Variants in CALCR observed in about 807,000 individuals in gnomAD.
The protein encoded by CALCR is calcitonin receptor.
CALCR carries 47 observed loss-of-function variants against 59.5 expected under a neutral mutation model. That is an observed-to-expected ratio of 0.79 (90% CI 0.63 to 1.01). CALCR has a LOEUF of 1.01. CALCR is among the 50% of genes least tolerant of loss of function. The pLI is 0.00. For synonymous variants in CALCR, 213 were observed against 211.3 expected (o/e 1.01, Z -0.07); for missense variants, 566 against 597.1 (o/e 0.95, Z 0.54).
At chr7:93,436,879 G>A (rs186600657) in intron 11 of CALCR, among the ~76,000 whole-genome samples, 155 of 152,184 alleles carry the variant, frequency 1.0e-3, no homozygotes, top group African/African-American at 3.5e-3. Context: ...TATTTTTTCT[G>A]TATGTATATC....
chr7:93,440,137 C>T lies in CALCR; in HGVS notation c.803-1867G>A, dbSNP rs115528934. On this transcript the variant is annotated intron_variant, in intron 9 of 13. Transcript: ENST00000426151. ...ACATCACCTGCAAACAAATTAGGTG[C>T]TATAATACAACTGGGCTTTTTTGGG... 2.3e-3 allele frequency among the ~76,000 whole-genome samples: 351 copies of T among 152,224 alleles called. 1 individual carries two copies. Among genetic ancestry groups the T allele is most frequent in the African/African-American group, 8.1e-3 (335 of 41,542 alleles).
chr7:93,462,343 G>A (rs368174309), intron 7 of CALCR, among the ~76,000 whole-genome samples: 1 of 152,056 alleles, frequency 6.6e-6, no homozygotes, highest in East Asian at 1.9e-4. Context: ...CGCTTCTGTG[G>A]ACTACTCTAT....
At chr7:93,541,375 A>G (rs1012198591) in intron 2 of CALCR, among the ~76,000 whole-genome samples, 1 of 151,838 alleles carries the variant, frequency 6.6e-6, no homozygotes, top group African/African-American at 2.4e-5. Flanking sequence ...CGGTTTCACT[A>G]TGTTGTCTCT....
intron 2 of CALCR, among the ~76,000 whole-genome samples, chr7:93,508,236 CAAACAA>C (rs1244713901): frequency 1.3e-5 from 2 of 151,826 alleles, no homozygotes; most frequent in Non-Finnish European, 2.9e-5. Flanking sequence ...GATATTTTAC[CAAACAA>C]AAACAAAAAC....
chr7:93,438,489 A>T (rs1025569416), intron 9 of CALCR, among the ~76,000 whole-genome samples: 1 of 152,222 alleles, frequency 6.6e-6, no homozygotes, highest in Non-Finnish European at 1.5e-5. Context: ...GGTTAAGAGC[A>T]TCCAAATAAT....
At chr7:93,467,566 A>G (rs946278914) in intron 7 of CALCR, among the ~76,000 whole-genome samples, 2 of 151,692 alleles carry the variant, frequency 1.3e-5, no homozygotes, top group East Asian at 3.9e-4. Context: ...TATGTTTTAA[A>G]TTTATTTTTT....
intron 7 of CALCR, among the ~76,000 whole-genome samples, chr7:93,465,121 C>A (rs192296014): frequency 6.6e-6 from 1 of 151,850 alleles, no homozygotes. Flanking sequence ...ACATGGATAA[C>A]AATGAGTCAA....
chr7:93,439,098 A>T (rs968418820), intron 9 of CALCR, among the ~76,000 whole-genome samples: 1 of 152,166 alleles, frequency 6.6e-6, no homozygotes, highest in Non-Finnish European at 1.5e-5. Flanking sequence ...TGATTGAGAC[A>T]TCTGTAGAAA....
At chr7:93,441,230 T>C (rs1490478427) in intron 9 of CALCR, among the ~76,000 whole-genome samples, 1 of 152,086 alleles carries the variant, frequency 6.6e-6, no homozygotes, top group Non-Finnish European at 1.5e-5. Flanking sequence ...GTATGGCAGA[T>C]AGATGTTTTG....
Position 93,436,138 on chromosome 7 carries a change from C to G in CALCR, c.963G>C (p.Arg321=). ...VNFFFLLNIV[R]VLVTKMRETH... The stretch of plus-strand genomic sequence containing the variant: ...TTTCCCTCATTTTGGTCACAAGCAC[C>G]CGGACAATGTTGAGCAAAAAGAAGA... The change falls in exon 12 of 14, where the codon CGG becomes CGC. Residue 321 remains arginine (R), a synonymous_variant. Transcript: ENST00000426151. 1 of 1,614,076 alleles carries G rather than the reference C, an allele frequency of 6.2e-7. No homozygotes were observed. The highest frequency in any genetic ancestry group is 1.1e-5 in the South Asian group (1 of 91,070).
At chr7:93,502,579 T>G (rs1468530933) in intron 2 of CALCR, among the ~76,000 whole-genome samples, 1 of 152,140 alleles carries the variant, frequency 6.6e-6, no homozygotes, top group Non-Finnish European at 1.5e-5. Context: ...GCCAAAATTC[T>G]TAAAACATCC....
chr7:93,557,815 A>T (rs1789647023), intron 2 of CALCR, among the ~76,000 whole-genome samples: 1 of 151,930 alleles, frequency 6.6e-6, no homozygotes. Flanking sequence ...TCATATACTA[A>T]ATTCCAATAT....
chr7:93,490,554 A>G (rs534131344), intron 2 of CALCR, among the ~76,000 whole-genome samples: 1 of 152,098 alleles, frequency 6.6e-6, no homozygotes, highest in African/African-American at 2.4e-5. Context: ...TAACTTCAGC[A>G]AAGTCGCAGG....
intron 11 of CALCR, among the ~76,000 whole-genome samples, chr7:93,436,522 C>G (rs1287495032): frequency 1.3e-5 from 2 of 152,160 alleles, no homozygotes; most frequent in Non-Finnish European, 2.9e-5. Flanking sequence ...GATACATGAG[C>G]TGAACACTTT....
rs770479251 is a variant in CALCR, at chr7:93,488,582, G to GCAAAAAAAAAAAAAAA, written c.-26-1576_-26-1575insTTTTTTTTTTTTTTTG. ...GGAAAATTTACCAAGCAAATGGAAA[G>GCAAAAAAAAAAAAAAA]AAAAAAAAAAAAAAAAAAAGCATGG... On this transcript the variant is annotated intron_variant, in intron 2 of 13. Coordinates refer to ENST00000426151, the MANE Select transcript of CALCR (RefSeq NM_001742.4). Among the ~76,000 whole-genome samples the GCAAAAAAAAAAAAAAA allele has an allele frequency of 1.0e-3, 80 of 78,008 alleles. 8 individuals are homozygous for GCAAAAAAAAAAAAAAA. Among genetic ancestry groups the GCAAAAAAAAAAAAAAA allele is most frequent in the Non-Finnish European group, 1.2e-3 (50 of 41,106 alleles). The allele number at this position is 78,008 out of a possible 152,430, so 51.2% of individuals were successfully genotyped here. A position where few individuals can be genotyped will look rare whatever the true frequency, so the allele number is the denominator to read the frequency against.
At position 93,446,199 on chromosome 7, in the gene CALCR, G is replaced by A. The variant is rs372917732; in HGVS notation, c.649-2442C>T. Among the ~76,000 whole-genome samples the A allele has an allele frequency of 5.3e-5, 8 of 152,112 alleles. No homozygotes were observed. The East Asian group carries it at 1.2e-3, about 22-fold the overall frequency. On this transcript the variant is annotated intron_variant, in intron 8 of 13. Coordinates refer to ENST00000426151, the MANE Select transcript of CALCR (RefSeq NM_001742.4). Reference sequence around the variant, plus strand: ...GGTTTGACGCAAGATATTGCTTGGAGGCTAAAGGCCTCAAAAGCTCACACA... The same window carrying A: ...GGTTTGACGCAAGATATTGCTTGGAAGCTAAAGGCCTCAAAAGCTCACACA...
At chr7:93,545,706 T>C (rs1789269308) in intron 2 of CALCR, among the ~76,000 whole-genome samples, 1 of 152,144 alleles carries the variant, frequency 6.6e-6, no homozygotes, top group Non-Finnish European at 1.5e-5. Context: ...TTTTTTAATC[T>C]AAACAAAAAT....
intron 2 of CALCR, among the ~76,000 whole-genome samples, chr7:93,511,184 A>G (rs1563002603): frequency 6.6e-6 from 1 of 152,150 alleles, no homozygotes; most frequent in Non-Finnish European, 1.5e-5. Context: ...AAAATAAATC[A>G]TAAACACAGT....
At chr7:93,501,869 G>A (rs1801328303) in intron 2 of CALCR, among the ~76,000 whole-genome samples, 2 of 152,060 alleles carry the variant, frequency 1.3e-5, no homozygotes, top group South Asian at 4.1e-4. Flanking sequence ...TCTAACTTAA[G>A]TTCACTGCTT....
Sources: gnomAD v4.1 joint callset for allele counts (sites outside exome capture counted in the v4.1 genomes callset) on GRCh38, gnomAD v4.1.1 for gene constraint, MANE v1.5 for transcripts, NCBI Gene and HGNC (gene_info 2026-07-23, HGNC 2026-07-21) for gene names.